Variants in TIMD4 observed in about 807,000 individuals in gnomAD.
TIMD4 encodes the protein T cell immunoglobulin and mucin domain containing 4, also known as T-cell immunoglobulin and mucin domain-containing protein 4.
In TIMD4, 31 loss-of-function variants were observed where a neutral mutation model predicts 41.2. The ratio of observed to expected loss-of-function variants is 0.75; its 90% CI spans 0.57 to 1.01. The LOEUF (loss-of-function observed/expected upper bound fraction) is 1.01, where lower values mean the gene tolerates loss of function less well. Ranked by LOEUF, TIMD4 falls within the 50% of genes least tolerant of loss-of-function variation. The pLI, the probability that TIMD4 is intolerant of heterozygous loss-of-function variation, is 0.00. For missense variants in TIMD4, 479 were observed against 472.5 expected (o/e 1.01, Z -0.13); for synonymous variants, 204 against 177.1 (o/e 1.15, Z -1.21).
intron 1 of TIMD4, among the ~76,000 whole-genome samples, chr5:156,960,870 T>C (rs1377509458): frequency 6.6e-6 from 1 of 152,222 alleles, no homozygotes; most frequent in Non-Finnish European, 1.5e-5. Context: ...AGTTTACAGA[T>C]GCAGGAACTC....
At chr5:156,936,879 C>G (rs1759549058) in intron 5 of TIMD4, among the ~76,000 whole-genome samples, 1 of 150,144 alleles carries the variant, frequency 6.7e-6, no homozygotes, top group Admixed American at 6.6e-5. Flanking sequence ...TTGCAGTGAG[C>G]CGAGATGGCG....
chr5:156,954,288 T>C, intron 2 of TIMD4, 127 bp downstream of exon 2: 1 of 930,220 alleles, frequency 1.1e-6, no homozygotes, highest in Admixed American at 3.0e-5. Context: ...CGGCACTTTA[T>C]TTCAAATTCA....
At chr5:156,960,890 T>G (rs770597051) in intron 1 of TIMD4, among the ~76,000 whole-genome samples, 25 of 152,184 alleles carry the variant, frequency 1.6e-4, no homozygotes, top group Non-Finnish European at 3.2e-4. Flanking sequence ...CCAAGGAGGA[T>G]GCGAACTCAT....
chr5:156,921,168 G>T (rs1468814646), intron 7 of TIMD4, among the ~76,000 whole-genome samples: 1 of 152,112 alleles, frequency 6.6e-6, no homozygotes, highest in Non-Finnish European at 1.5e-5. Context: ...TCATGGAGCA[G>T]CTTGCTAACT....
intron 5 of TIMD4, among the ~76,000 whole-genome samples, chr5:156,929,137 T>C (rs1029496958): frequency 3.3e-5 from 5 of 152,122 alleles, no homozygotes; most frequent in South Asian, 4.2e-4. Context: ...TGAGAACAAG[T>C]TGACTGTGAT....
rs114792501 is a variant in TIMD4, at chr5:156,946,373, G to A, written c.844+2043C>T. Among the ~76,000 whole-genome samples, 888 of 152,272 alleles carry A rather than the reference G, an allele frequency of 5.8e-3. 8 individuals carry two copies. The highest frequency in any genetic ancestry group is 0.02 in the African/African-American group (835 of 41,556). On this transcript the variant is annotated intron_variant, in intron 5 of 8. Transcript: ENST00000274532. Reference sequence around the variant, plus strand: ...TGTATGAGTTAGTGCAGGCCAAAGCGTCTTAATATCAGGGCCCCCTCGCAT... The same window carrying A: ...TGTATGAGTTAGTGCAGGCCAAAGCATCTTAATATCAGGGCCCCCTCGCAT...
At chr5:156,940,068 T>C (rs1186162322) in intron 5 of TIMD4, among the ~76,000 whole-genome samples, 1 of 152,238 alleles carries the variant, frequency 6.6e-6, no homozygotes, top group Non-Finnish European at 1.5e-5. Flanking sequence ...CTGATTCTCC[T>C]GCCTCAGCCT....
intron 6 of TIMD4, 69 bp downstream of exon 6, chr5:156,926,194 G>GT: frequency 6.5e-7 from 1 of 1,538,246 alleles, no homozygotes; most frequent in Non-Finnish European, 9.0e-7. Flanking sequence ...ATGAGCCACC[G>GT]TGCCTGGCCA....
intron 1 of TIMD4, 128 bp from the exon 2 acceptor site, chr5:156,954,884 CT>C (rs57901645): frequency 0.1 from 59,958 of 575,708 alleles, 271 homozygotes; most frequent in South Asian, 0.22. Flanking sequence ...CTTTTCTTTC[CT>C]TTTTTTTTTT....
chr5:156,937,560 C>T (rs1382300557), intron 5 of TIMD4, among the ~76,000 whole-genome samples: 2 of 152,138 alleles, frequency 1.3e-5, no homozygotes, highest in South Asian at 2.1e-4. Flanking sequence ...GGACCTATCT[C>T]GGGGCTGGCT....
chr5:156,929,724 G>A (rs1221991346), intron 5 of TIMD4, among the ~76,000 whole-genome samples: 1 of 152,176 alleles, frequency 6.6e-6, no homozygotes, highest in East Asian at 1.9e-4. Context: ...AACTGAGAGA[G>A]AATGAAAATT....
At chr5:156,951,344 G>A (rs1228491354) in intron 3 of TIMD4, among the ~76,000 whole-genome samples, 168 bp downstream of exon 3, 1 of 151,970 alleles carries the variant, frequency 6.6e-6, no homozygotes, top group African/African-American at 2.4e-5. Flanking sequence ...ATAAATTTCT[G>A]TTGTTTAAGC....
At chr5:156,947,184 T>C (rs932199541) in intron 5 of TIMD4, among the ~76,000 whole-genome samples, 3 of 150,600 alleles carry the variant, frequency 2.0e-5, no homozygotes, top group African/African-American at 7.3e-5. Flanking sequence ...GGCTACAGAG[T>C]GAGGCTCTGT....
At chr5:156,928,973 T>C (rs1759398701) in intron 5 of TIMD4, among the ~76,000 whole-genome samples, 1 of 152,208 alleles carries the variant, frequency 6.6e-6, no homozygotes, top group Non-Finnish European at 1.5e-5. Context: ...TAAATTGGAA[T>C]CGTCCAATGG....
chr5:156,954,360 T>G (rs1336073010), intron 2 of TIMD4, 55 bp downstream of exon 2: 5 of 1,517,898 alleles, frequency 3.3e-6, no homozygotes, highest in Non-Finnish European at 4.5e-6. Context: ...GATCCCATTG[T>G]CCATTAACCA....
At chr5:156,949,548 C>T in intron 4 of TIMD4, 103 bp downstream of exon 4, 1 of 990,842 alleles carries the variant, frequency 1.0e-6, no homozygotes, top group South Asian at 1.4e-5. Flanking sequence ...GCACAAAAGA[C>T]CCAAAGAGGT....
chr5:156,957,180 T>C (rs906798117), intron 1 of TIMD4, among the ~76,000 whole-genome samples: 1 of 152,056 alleles, frequency 6.6e-6, no homozygotes, highest in Non-Finnish European at 1.5e-5. Flanking sequence ...CCGAATTTAG[T>C]CTCTTCACTT....
At chr5:156,931,797 C>G (rs1168407870) in intron 5 of TIMD4, among the ~76,000 whole-genome samples, 1 of 152,190 alleles carries the variant, frequency 6.6e-6, no homozygotes, top group Non-Finnish European at 1.5e-5. Flanking sequence ...GGACTCTCTG[C>G]CATCACTAAG....
intron 1 of TIMD4, among the ~76,000 whole-genome samples, chr5:156,960,100 A>G (rs1760052011): frequency 6.6e-6 from 1 of 151,988 alleles, no homozygotes; most frequent in East Asian, 1.9e-4. Flanking sequence ...ACCTATGAAA[A>G]AAAAAACAAA....
Sources: gnomAD v4.1 joint callset for allele counts (sites outside exome capture counted in the v4.1 genomes callset) on GRCh38, gnomAD v4.1.1 for gene constraint, MANE v1.5 for transcripts, NCBI Gene and HGNC (gene_info 2026-07-23, HGNC 2026-07-21) for gene names.